The following WDR72 variants were observed in gnomAD, a reference collection of about 807,000 sequenced individuals.
WDR72 encodes the protein WD repeat-containing protein 72.
Under a neutral mutation model 124.2 loss-of-function variants are expected in WDR72, and 120 were observed. That is an observed-to-expected ratio of 0.97 (90% confidence interval 0.83 to 1.12). The LOEUF is 1.12. Ranked by LOEUF, WDR72 falls within the 50% of genes most tolerant of loss-of-function variation. The probability of loss-of-function intolerance (pLI) is 0.00; values close to 1 mark genes in which losing one functional copy is unlikely to be tolerated. For missense variants in WDR72, 1,387 were observed against 1,278.8 expected (o/e 1.08, Z -1.29); for synonymous variants, 452 against 441.7 (o/e 1.02, Z -0.29).
chr15:53,573,145 C>T (rs1022818762), intron 18 of WDR72, among the ~76,000 whole-genome samples: 6 of 152,176 alleles, frequency 3.9e-5, no homozygotes, highest in South Asian at 2.1e-4. Context: ...CACATTCAAA[C>T]TTCTAGTGAT....
chr15:53,686,754 A>G (rs536173139), intron 13 of WDR72, among the ~76,000 whole-genome samples: 89 of 150,130 alleles, frequency 5.9e-4, no homozygotes, highest in African/African-American at 2.1e-3. Flanking sequence ...TCAACAGAAT[A>G]TACATTTTTT....
chr15:53,532,975 G>A (rs1406525435), intron 18 of WDR72, among the ~76,000 whole-genome samples: 1 of 151,976 alleles, frequency 6.6e-6, no homozygotes, highest in African/African-American at 2.4e-5. Flanking sequence ...TAAGAACATG[G>A]CACTGAGCTA....
rs1467998100 is a variant in WDR72, at chr15:53,515,551, T to G, written c.*2148A>C. 1 of 152,192 alleles carries G rather than the reference T, an allele frequency of 6.6e-6. No individual in the cohort carries two copies. Among genetic ancestry groups the G allele is most frequent in the Admixed American group, 6.6e-5 (1 of 15,266 alleles). The allele number at this position is 152,192 out of a possible 1,614,324, so 9.4% of individuals were successfully genotyped here. A position where few individuals can be genotyped will look rare whatever the true frequency, so the allele number is the denominator to read the frequency against. On this transcript the variant is annotated 3_prime_UTR_variant, in exon 20 of 20. Coordinates refer to ENST00000360509, the MANE Select transcript of WDR72 (RefSeq NM_182758.4). ...TATTTTTAGGAATTAAAAGCTTTCA[T>G]AGTTAATGGTATGATATTGGCCTTC...
rs116480740 is a variant in WDR72, at chr15:53,520,412, T to G, written c.3254-2658A>C. ...GTAACTGGGGGATTTTGCAGGTACA[T>G]AAAAATGTTAAAAGGAATTTTAAAT... is the stretch of plus-strand genomic sequence containing the variant. On this transcript the variant is annotated intron_variant, in intron 19 of 19. Coordinates refer to ENST00000360509, the MANE Select transcript of WDR72 (RefSeq NM_182758.4). 8.6e-3 allele frequency among the ~76,000 whole-genome samples: 1,305 copies of G among 152,142 alleles called. 23 individuals are homozygous for G. Among genetic ancestry groups the G allele is most frequent in the African/African-American group, 0.03 (1,260 of 41,540 alleles).
intron 18 of WDR72, among the ~76,000 whole-genome samples, chr15:53,568,084 T>G (rs930159370): frequency 6.8e-6 from 1 of 147,016 alleles, no homozygotes; most frequent in African/African-American, 2.5e-5. Context: ...TTTTTTTTTT[T>G]TATTTTTTTA....
At chr15:53,634,710 C>A (rs999228539) in intron 14 of WDR72, among the ~76,000 whole-genome samples, 3 of 152,196 alleles carry the variant, frequency 2.0e-5, no homozygotes, top group African/African-American at 7.2e-5. Context: ...AAAAACTGCT[C>A]TTCCCTTACC....
chr15:53,648,584 T>A (rs1028369655), intron 14 of WDR72, among the ~76,000 whole-genome samples: 1 of 152,246 alleles, frequency 6.6e-6, no homozygotes, highest in East Asian at 1.9e-4. Flanking sequence ...AAATTTTTTT[T>A]AAAATAGTGT....
intron 9 of WDR72, among the ~76,000 whole-genome samples, chr15:53,707,500 G>T (rs1021632724): frequency 6.6e-6 from 1 of 151,772 alleles, no homozygotes; most frequent in Admixed American, 6.6e-5. Flanking sequence ...AGGCTGGAGT[G>T]CAGGGGCATG....
At chr15:53,710,826 C>T (rs779551571) in intron 9 of WDR72, 31 bp downstream of exon 9, 2 of 1,543,766 alleles carry the variant, frequency 1.3e-6, no homozygotes, top group Admixed American at 1.7e-5. Flanking sequence ...AGTGAAACAG[C>T]TTTGAGGCAG....
chr15:53,598,843 C>T (rs2012905445), intron 17 of WDR72, among the ~76,000 whole-genome samples: 1 of 152,138 alleles, frequency 6.6e-6, no homozygotes. Context: ...ATCAGAGTAT[C>T]AATTATGTGC....
chr15:53,617,045 A>T (rs537753512), intron 14 of WDR72, among the ~76,000 whole-genome samples: 3 of 152,066 alleles, frequency 2.0e-5, no homozygotes. Context: ...AGCATTATCA[A>T]GAGACTCAAT....
chr15:53,641,694 TTC>T (rs2014857538), intron 14 of WDR72, among the ~76,000 whole-genome samples: 2 of 151,972 alleles, frequency 1.3e-5, no homozygotes, highest in African/African-American at 4.8e-5. Flanking sequence ...TCTTGCATAT[TTC>T]TTATGAAATC....
intron 17 of WDR72, among the ~76,000 whole-genome samples, chr15:53,608,074 A>G (rs1022653476): frequency 1.3e-5 from 2 of 152,184 alleles, no homozygotes; most frequent in Admixed American, 6.5e-5. Context: ...GAGTACAACC[A>G]CTATGGAGAA....
chr15:53,550,029 A>G (rs992140788), intron 18 of WDR72, among the ~76,000 whole-genome samples: 21 of 152,186 alleles, frequency 1.4e-4, no homozygotes, highest in African/African-American at 4.1e-4. Flanking sequence ...CGGAAGTTCA[A>G]TTAAACCAGA....
intron 3 of WDR72, among the ~76,000 whole-genome samples, chr15:53,718,259 A>ATT (rs1323662020): frequency 0.076 from 11,612 of 152,018 alleles, 1,506 homozygotes; most frequent in African/African-American, 0.27. Flanking sequence ...CCATTTCTAA[A>ATT]CCAGTAGCTC....
At chr15:53,644,747 G>C (rs754974216) in intron 14 of WDR72, among the ~76,000 whole-genome samples, 4 of 152,000 alleles carry the variant, frequency 2.6e-5, no homozygotes, top group Non-Finnish European at 4.4e-5. Flanking sequence ...TCCTTCCAAC[G>C]GGTCGGGTGG....
At chr15:53,594,790 A>AC (rs1275900565) in intron 18 of WDR72, among the ~76,000 whole-genome samples, 6 of 94,336 alleles carry the variant, frequency 6.4e-5, no homozygotes, top group African/African-American at 1.6e-4. Flanking sequence ...TGCACCCCCC[A>AC]CCCCCCCAAA....
chr15:53,514,999 G>A lies in WDR72; in HGVS notation c.*2700C>T, dbSNP rs966068667. The A allele has an allele frequency of 7.0e-6, 1 of 142,682 alleles. No individual in the cohort carries two copies. The highest frequency in any genetic ancestry group is 2.1e-4 in the East Asian group (1 of 4,816). 8.8% of individuals were successfully genotyped at this position (142,682 alleles called of 1,614,324 possible). The stretch of plus-strand genomic sequence containing the variant: ...AAATGAAAATATGATATTCCTTTGG[G>A]GGATATGCCATATATATATATATAT... On this transcript the variant is annotated 3_prime_UTR_variant, in exon 20 of 20. Coordinates refer to ENST00000360509, the MANE Select transcript of WDR72 (RefSeq NM_182758.4).
intron 18 of WDR72, among the ~76,000 whole-genome samples, chr15:53,582,237 C>A (rs940256381): frequency 2.6e-5 from 4 of 151,938 alleles, no homozygotes; most frequent in African/African-American, 9.7e-5. Context: ...CAGAAAGAGA[C>A]AACTCGGCTA....
Sources: gnomAD v4.1 joint callset for allele counts (sites outside exome capture counted in the v4.1 genomes callset) on GRCh38, gnomAD v4.1.1 for gene constraint, MANE v1.5 for transcripts, NCBI Gene and HGNC (gene_info 2026-07-23, HGNC 2026-07-21) for gene names.